The following STARD13 variants were observed in gnomAD, a reference collection of about 807,000 sequenced individuals.
STARD13 encodes the protein StAR related lipid transfer domain containing 13, also known as stAR-related lipid transfer protein 13.
STARD13 carries 62 observed loss-of-function variants against 106.4 expected under a neutral mutation model. That is an observed-to-expected ratio of 0.58 (90% CI 0.48 to 0.72). The LOEUF (loss-of-function observed/expected upper bound fraction) is 0.72. Among genes scored for constraint, STARD13 ranks in the 30% least tolerant of loss-of-function variants. STARD13 has a pLI of 0.00. For missense variants in STARD13, 1,387 were observed against 1,424.0 expected, an observed-to-expected ratio of 0.97 and a Z score of 0.42; for synonymous variants, 565 against 553.0, an observed-to-expected ratio of 1.02 and a Z score of -0.31.
chr13:33,426,935 G>T, the STARD13 span, among the ~76,000 whole-genome samples: 1 of 152,076 alleles, frequency 6.6e-6, no homozygotes, highest in African/African-American at 2.4e-5. Flanking sequence ...CTCAGTTTAT[G>T]AACTTGTATT....
Position 33,109,945 on chromosome 13 carries a change from C to A in STARD13, c.2975G>T (p.Arg992Met). 1 of 1,614,214 alleles carries A rather than the reference C, an allele frequency of 6.2e-7. No individual in the cohort carries two copies. The highest frequency in any genetic ancestry group is 8.5e-7 in the Non-Finnish European group (1 of 1,180,040). ...VQWKVVETLD[R>M]QTEIYQYVLN... is the part of the protein sequence containing the mutation. ...CACATACTGGTAGATCTCTGTTTGC[C>A]TGTCTAGAGTTTCCACAACCTTCCA... The change falls in exon 12 of 14, where the codon AGG becomes ATG. Residue 992 changes from arginine to methionine, a missense_variant. Coordinates refer to ENST00000336934, the MANE Select transcript of STARD13 (RefSeq NM_178006.4).
chr13:33,252,238 G>A (rs1013223043), intron 1 of STARD13, among the ~76,000 whole-genome samples: 7 of 152,134 alleles, frequency 4.6e-5, no homozygotes, highest in South Asian at 4.1e-4. Flanking sequence ...ATCCCTCTCC[G>A]GTTGCCACAC....
At chr13:33,612,139 C>T in the STARD13 span, among the ~76,000 whole-genome samples, 3 of 152,282 alleles carry the variant, frequency 2.0e-5, no homozygotes, top group South Asian at 2.1e-4. Context: ...AGATACTGAA[C>T]TAAAGTAGAA....
At chr13:33,141,667 ATAGTGGGGGC>A (rs1329896669) in intron 4 of STARD13, among the ~76,000 whole-genome samples, 1 of 152,172 alleles carries the variant, frequency 6.6e-6, no homozygotes, top group African/African-American at 2.4e-5. Flanking sequence ...AATCTGCCTG[ATAGTGGGGGC>A]ATCTTGACAC....
At position 33,104,428 on chromosome 13, in the gene STARD13, C is replaced by T. The variant is rs991847341; in HGVS notation, c.*1165G>A. On this transcript the variant is annotated 3_prime_UTR_variant, in exon 14 of 14. Transcript: ENST00000336934. ...GTTTTGGTCTCATGTTAGTTAAAAA[C>T]CCTGTCTTTCAGATTGTAAAAGTTT... 4.6e-5 allele frequency: 7 copies of T among 152,594 alleles called. No homozygotes were observed. Among genetic ancestry groups the T allele is most frequent in the African/African-American group, 1.7e-4 (7 of 41,422 alleles). 9.5% of individuals were successfully genotyped at this position (152,594 alleles called of 1,614,324 possible). A position where few individuals can be genotyped will look rare whatever the true frequency, so the allele number is the denominator to read the frequency against.
chr13:33,342,414 T>G (rs2077970688), intron 1 of STARD13, among the ~76,000 whole-genome samples: 1 of 152,218 alleles, frequency 6.6e-6, no homozygotes, highest in African/African-American at 2.4e-5. Context: ...TTCTTTTTTG[T>G]GCATATGCAG....
At chr13:33,241,713 G>A (rs938164477) in intron 1 of STARD13, among the ~76,000 whole-genome samples, 4 of 152,060 alleles carry the variant, frequency 2.6e-5, no homozygotes, top group African/African-American at 7.2e-5. Flanking sequence ...ACTGGTTTTC[G>A]TATTTTTTGG....
the STARD13 span, among the ~76,000 whole-genome samples, chr13:33,496,522 T>C: frequency 0.53 from 80,451 of 151,698 alleles, 22,513 homozygotes; most frequent in African/African-American, 0.72. Context: ...CACTTGATTA[T>C]GCAATTTCTC....
At chr13:33,527,153 A>G in the STARD13 span, among the ~76,000 whole-genome samples, 4 of 152,072 alleles carry the variant, frequency 2.6e-5, no homozygotes, top group Non-Finnish European at 5.9e-5. Flanking sequence ...TGTATTGCAA[A>G]ATAAGTGAAC....
At chr13:33,239,542 TG>T (rs1269464124) in intron 1 of STARD13, among the ~76,000 whole-genome samples, 1 of 152,128 alleles carries the variant, frequency 6.6e-6, no homozygotes, top group Non-Finnish European at 1.5e-5. Flanking sequence ...CAAGACTTCT[TG>T]TTTTGTTGTT....
rs530190274 is a variant in STARD13, at chr13:33,213,703, A to G, written c.170-46081T>C. ...AGACAAGATTGGATTTGCCTCTTGCAACTGGCACTGCTGTTCTTCAGGATT... is the reference window on the plus strand; with the variant it reads ...AGACAAGATTGGATTTGCCTCTTGCGACTGGCACTGCTGTTCTTCAGGATT... On this transcript the variant is annotated intron_variant, in intron 1 of 13. Coordinates refer to ENST00000336934, the MANE Select transcript of STARD13 (RefSeq NM_178006.4). Among the ~76,000 whole-genome samples, 19 of 152,374 alleles carry G rather than the reference A, an allele frequency of 1.2e-4. No homozygotes were observed. The South Asian group carries it at 3.3e-3, about 27-fold the overall frequency.
At chr13:33,204,054 A>T (rs1887236324) in intron 1 of STARD13, among the ~76,000 whole-genome samples, 1 of 152,190 alleles carries the variant, frequency 6.6e-6, no homozygotes, top group Non-Finnish European at 1.5e-5. Flanking sequence ...TAGTATCTGA[A>T]ATCCAAGGCT....
At chr13:33,162,158 C>T (rs1882708063) in intron 3 of STARD13, among the ~76,000 whole-genome samples, 1 of 152,198 alleles carries the variant, frequency 6.6e-6, no homozygotes, top group Non-Finnish European at 1.5e-5. Context: ...AAAGTCTTAA[C>T]TCATTTCAGC....
At chr13:33,518,524 A>T in the STARD13 span, among the ~76,000 whole-genome samples, 3 of 152,016 alleles carry the variant, frequency 2.0e-5, 1 homozygote, top group South Asian at 6.2e-4. Flanking sequence ...GATTCAGGAG[A>T]CCTCATTTTT....
At chr13:33,618,199 CTT>C in the STARD13 span, among the ~76,000 whole-genome samples, 1 of 152,154 alleles carries the variant, frequency 6.6e-6, no homozygotes, top group Non-Finnish European at 1.5e-5. Context: ...ACTTGTTAGA[CTT>C]TTTTCATTAT....
chr13:33,478,326 G>A, the STARD13 span, among the ~76,000 whole-genome samples: 1 of 152,076 alleles, frequency 6.6e-6, no homozygotes, highest in Non-Finnish European at 1.5e-5. Context: ...TGTTTTTCCT[G>A]ATACCTGCCC....
chr13:33,434,407 T>C, the STARD13 span, among the ~76,000 whole-genome samples: 1 of 149,722 alleles, frequency 6.7e-6, no homozygotes, highest in African/African-American at 2.5e-5. Flanking sequence ...CAGAACGAGA[T>C]TTAAGTTCCA....
the STARD13 span, among the ~76,000 whole-genome samples, chr13:33,449,203 G>A: frequency 4.0e-5 from 6 of 151,750 alleles, no homozygotes. Flanking sequence ...ATTTTCTCCT[G>A]TGTTTTCTCT....
upstream of STARD13, among the ~76,000 whole-genome samples, chr13:33,352,129 G>A (rs898837509): frequency 2.6e-5 from 4 of 152,170 alleles, no homozygotes; most frequent in East Asian, 1.9e-4. Context: ...AATAAGTCAC[G>A]GATCAGAAAC....
Sources: allele counts gnomAD v4.1 joint callset (sites outside exome capture counted in the v4.1 genomes callset), GRCh38; gene constraint gnomAD v4.1.1; transcripts MANE v1.5; gene names NCBI Gene and HGNC (gene_info 2026-07-23, HGNC 2026-07-21).